The following MORC1 variants were observed in gnomAD, a reference collection of about 807,000 sequenced individuals.
MORC1 encodes the protein MORC family CW-type zinc finger 1, also known as MORC family CW-type zinc finger protein 1.
Under a neutral mutation model 134.9 loss-of-function variants are expected in MORC1, and 59 were observed. That is an observed-to-expected ratio of 0.44 (90% CI 0.35 to 0.54). The LOEUF is 0.54. Ranked by LOEUF, MORC1 falls within the 20% of genes least tolerant of loss-of-function variation. The pLI, the probability that MORC1 is intolerant of heterozygous loss-of-function variation, is 0.00. For missense variants in MORC1, 947 were observed against 1,134.5 expected, an observed-to-expected ratio of 0.83 and a Z score of 2.37; for synonymous variants, 395 against 391.7, an observed-to-expected ratio of 1.01 and a Z score of -0.10.
chr3:109,108,120 C>T (rs961142112), intron 3 of MORC1, among the ~76,000 whole-genome samples: 2 of 151,942 alleles, frequency 1.3e-5, no homozygotes, highest in East Asian at 1.9e-4. Flanking sequence ...ACCTGGGAAG[C>T]GGAGGTTGCA....
intron 8 of MORC1, among the ~76,000 whole-genome samples, chr3:109,078,754 T>C (rs1460740372): frequency 6.6e-6 from 1 of 151,846 alleles, no homozygotes; most frequent in East Asian, 1.9e-4. Flanking sequence ...TTAAAGTCAA[T>C]TGAAATAAAT....
chr3:109,114,358 A>G (rs1172424685), intron 2 of MORC1, 26 bp downstream of exon 2: 3 of 1,584,454 alleles, frequency 1.9e-6, no homozygotes, highest in Non-Finnish European at 2.6e-6. Flanking sequence ...TTCCCTCAGT[A>G]ACTGTTGTTT....
intron 27 of MORC1, among the ~76,000 whole-genome samples, chr3:108,959,356 T>C (rs754361778): frequency 6.6e-6 from 1 of 152,198 alleles, no homozygotes; most frequent in Non-Finnish European, 1.5e-5. Flanking sequence ...TAGTACAACT[T>C]TTTTTCTCTT....
chr3:108,966,950 C>T (rs1024997572), intron 26 of MORC1, among the ~76,000 whole-genome samples: 9 of 152,174 alleles, frequency 5.9e-5, no homozygotes, highest in African/African-American at 2.2e-4. Context: ...TCATCTACTA[C>T]TACAATAGTA....
At position 109,001,296 on chromosome 3, in the gene MORC1, G is replaced by T. The variant is rs754202114; in HGVS notation, c.2086-638C>A. On this transcript the variant is annotated intron_variant, in intron 20 of 27. Coordinates refer to ENST00000232603, the MANE Select transcript of MORC1 (RefSeq NM_014429.4). ...TACAGGTGCCCACCACCACGCCTGG[G>T]AAATTAGCTTATCTTTCTAAGAGCT... 1.1e-3 allele frequency among the ~76,000 whole-genome samples: 174 copies of T among 151,996 alleles called. 2 individuals carry two copies. The highest frequency in any genetic ancestry group is 1.1e-3 in the Admixed American group (16 of 15,238).
chr3:109,085,833 G>A (rs936567700), intron 8 of MORC1, among the ~76,000 whole-genome samples: 4 of 152,022 alleles, frequency 2.6e-5, no homozygotes, highest in East Asian at 1.9e-4. Context: ...GCCAAAATAC[G>A]GAATCAACCT....
chr3:109,040,011 A>T (rs1949471982), intron 14 of MORC1, among the ~76,000 whole-genome samples: 1 of 152,048 alleles, frequency 6.6e-6, no homozygotes, highest in East Asian at 1.9e-4. Flanking sequence ...TGTCCAGGCA[A>T]AGGCACAGGC....
rs368083978 is a variant in MORC1 at position 108,979,575 on chromosome 3, G to A, written c.2417C>T (p.Pro806Leu). ...GACAGGTGTGCTTTGAGAAGACGCTGGCGAAGAAGCAACTTTACAACTGCC... is the reference window on the plus strand; with the variant it reads ...GACAGGTGTGCTTTGAGAAGACGCTAGCGAAGAAGCAACTTTACAACTGCC... ...VSGSCKVASS[P>L]ASSQSTPVKE... Residue 806 changes from proline to leucine, a missense_variant, in exon 24 of 28, where the codon CCA (proline) becomes CTA (leucine). Pro to Leu is a moderately conservative substitution (Grantham distance 98). Transcript: ENST00000232603. 4 of 1,614,174 alleles carry A rather than the reference G, an allele frequency of 2.5e-6. No homozygotes were observed. The highest frequency in any genetic ancestry group is 2.5e-6 in the Non-Finnish European group (3 of 1,180,018).
chr3:109,048,447 CAGTTCACCTACA>C, intron 14 of MORC1, among the ~76,000 whole-genome samples: 1 of 152,124 alleles, frequency 6.6e-6, no homozygotes, highest in Non-Finnish European at 1.5e-5. Flanking sequence ...CAGATGAAAC[CAGTTCACCTACA>C]AGTTGATCAC....
chr3:109,020,276 C>T (rs752132035), intron 17 of MORC1, among the ~76,000 whole-genome samples: 2 of 152,270 alleles, frequency 1.3e-5, no homozygotes, highest in African/African-American at 2.4e-5. Flanking sequence ...AGGGGGGTCC[C>T]GCCAAGTGGA....
chr3:108,992,010 A>G (rs1223086234), intron 21 of MORC1, among the ~76,000 whole-genome samples: 3 of 152,126 alleles, frequency 2.0e-5, no homozygotes, highest in Admixed American at 1.3e-4. Flanking sequence ...TTTACAGTCC[A>G]AGCCATTATC....
chr3:108,978,027 G>A (rs1194535172), intron 24 of MORC1, among the ~76,000 whole-genome samples: 1 of 152,138 alleles, frequency 6.6e-6, no homozygotes, highest in East Asian at 1.9e-4. Context: ...ACAGGCGCCT[G>A]CCACCCTGAC....
intron 8 of MORC1, among the ~76,000 whole-genome samples, chr3:109,085,319 G>A (rs2107742366): frequency 6.6e-6 from 1 of 152,222 alleles, no homozygotes; most frequent in South Asian, 2.1e-4. Context: ...AAAGTGATGA[G>A]ACAACCTGCA....
rs987142104 is a variant in MORC1, at chr3:108,966,015, C to A, written c.2605-2407G>T. Among the ~76,000 whole-genome samples, 11 of 152,252 alleles carry A rather than the reference C, an allele frequency of 7.2e-5. 1 individual carries two copies. Among genetic ancestry groups the A allele is most frequent in the Middle Eastern group, 3.4e-3 (1 of 294 alleles). ...CTCCAGGAGGTTCTGCTAACCTCTC[C>A]AGGAAGTTTCTATGAAAGGTAACAC... On this transcript the variant is annotated intron_variant, in intron 26 of 27. Transcript: ENST00000232603.
chr3:108,986,789 C>T, intron 22 of MORC1, 91 bp downstream of exon 22: 1 of 891,784 alleles, frequency 1.1e-6, no homozygotes, highest in Non-Finnish European at 1.7e-6. Context: ...TGACAAACTT[C>T]TGATCTATAT....
Position 108,996,275 on chromosome 3 carries a change from T to TGC in MORC1, c.2187+4280_2187+4281dup, listed in dbSNP as rs1553745284. On this transcript the variant is annotated intron_variant, in intron 21 of 27. Coordinates refer to ENST00000232603, the MANE Select transcript of MORC1 (RefSeq NM_014429.4). ...ATGCCTGTGCACATGTGCGCGTGCG[T>TGC]GCGCGCGCGCGCACACACACACACA... 3.9e-4 allele frequency among the ~76,000 whole-genome samples: 47 copies of TGC among 121,882 alleles called. No individual in the cohort carries two copies. The East Asian group carries it at 5.6e-3, about 14-fold the overall frequency. The allele number at this position is 121,882 out of a possible 152,430, so 80.0% of individuals were successfully genotyped here.
At chr3:109,021,190 CCAGA>C (rs1385224117) in intron 17 of MORC1, among the ~76,000 whole-genome samples, 2 of 152,164 alleles carry the variant, frequency 1.3e-5, no homozygotes, top group African/African-American at 4.8e-5. Flanking sequence ...ACCCCAGACG[CCAGA>C]CAGCCTCTGA....
chr3:109,072,856 CTA>C (rs1950346244), intron 8 of MORC1, among the ~76,000 whole-genome samples: 2 of 152,014 alleles, frequency 1.3e-5, no homozygotes, highest in Non-Finnish European at 2.9e-5. Context: ...GTCCATATCT[CTA>C]TCTTTCTCTC....
At position 109,054,777 on chromosome 3, in the gene MORC1, T is replaced by C; in HGVS notation, c.1281A>G (p.Leu427=). 1.2e-6 allele frequency: 2 copies of C among 1,601,654 alleles called. No individual in the cohort carries two copies. Among genetic ancestry groups the C allele is most frequent in the Non-Finnish European group, 1.7e-6 (2 of 1,177,196 alleles). Residue 427 remains leucine (L), a synonymous_variant, in exon 14 of 28, where the codon CTA becomes CTG. Coordinates refer to ENST00000232603, the MANE Select transcript of MORC1 (RefSeq NM_014429.4). The part of the protein sequence containing the change: ...FLNVQEYNHL[L]KVMGQYLVQY... ...GGACCAAGTACTGTCCCATGACTTT[T>C]AGTAGATGATTATACTCTTGGACAT...
Sources: allele counts gnomAD v4.1 joint callset (sites outside exome capture counted in the v4.1 genomes callset), GRCh38; gene constraint gnomAD v4.1.1; transcripts MANE v1.5; gene names NCBI Gene and HGNC (gene_info 2026-07-23, HGNC 2026-07-21).